Variants in PACRG observed in about 807,000 individuals in gnomAD.
The protein encoded by PACRG is parkin coregulated.
In PACRG, 29 loss-of-function variants were observed where a neutral mutation model predicts 29.7. That is an observed-to-expected ratio of 0.98 (90% CI 0.73 to 1.33). The LOEUF (loss-of-function observed/expected upper bound fraction) is 1.33, where lower values mean the gene tolerates loss of function less well. Ranked by LOEUF, PACRG falls within the 40% of genes most tolerant of loss-of-function variation. The pLI is 0.00. For missense variants in PACRG, 279 were observed against 316.2 expected, an observed-to-expected ratio of 0.88 and a Z score of 0.89; for synonymous variants, 116 against 118.7, an observed-to-expected ratio of 0.98 and a Z score of 0.15.
At chr6:163,089,779 G>A (rs901320622) in intron 4 of PACRG, among the ~76,000 whole-genome samples, 3 of 152,014 alleles carry the variant, frequency 2.0e-5, no homozygotes, top group African/African-American at 7.2e-5. Flanking sequence ...TACAATTTCA[G>A]TCAGCTTTTT....
chr6:163,220,971 C>G (rs1014727460), intron 4 of PACRG, among the ~76,000 whole-genome samples: 1 of 152,132 alleles, frequency 6.6e-6, no homozygotes, highest in African/African-American at 2.4e-5. Context: ...CTGTCTTGTT[C>G]CAGCAATTTC....
At chr6:162,987,494 G>T (rs1293000657) in intron 2 of PACRG, among the ~76,000 whole-genome samples, 2 of 152,058 alleles carry the variant, frequency 1.3e-5, no homozygotes, top group Non-Finnish European at 2.9e-5. Flanking sequence ...TTTTTCCCAT[G>T]CTGTTCTCAT....
At chr6:163,157,744 C>T (rs1468527808) in intron 4 of PACRG, among the ~76,000 whole-genome samples, 1 of 152,250 alleles carries the variant, frequency 6.6e-6, no homozygotes, top group African/African-American at 2.4e-5. Context: ...AACGAAGCCA[C>T]AAGCACTCGG....
chr6:163,089,147 C>T, intron 3 of PACRG, 112 bp from the exon 4 acceptor site: 2 of 1,091,706 alleles, frequency 1.8e-6, no homozygotes, highest in Non-Finnish European at 2.6e-6. Flanking sequence ...CATTGGTCCC[C>T]AGTAGAGCAC....
intron 4 of PACRG, among the ~76,000 whole-genome samples, chr6:163,276,442 T>A (rs1470679497): frequency 6.6e-6 from 1 of 152,176 alleles, no homozygotes; most frequent in Non-Finnish European, 1.5e-5. Context: ...TTTTCCTTCC[T>A]TTCTCCCCAG....
chr6:163,210,528 T>C (rs1781093370), intron 4 of PACRG, among the ~76,000 whole-genome samples: 1 of 152,194 alleles, frequency 6.6e-6, no homozygotes, highest in South Asian at 2.1e-4. Context: ...CCCATTTCTA[T>C]GGGCTGAGGA....
At chr6:163,212,884 T>C (rs1000539228) in intron 4 of PACRG, among the ~76,000 whole-genome samples, 1 of 152,046 alleles carries the variant, frequency 6.6e-6, no homozygotes, top group Non-Finnish European at 1.5e-5. Flanking sequence ...GTTCATGCCA[T>C]TCTCCTGCCT....
intron 2 of PACRG, among the ~76,000 whole-genome samples, chr6:162,983,195 T>C (rs1584933611): frequency 6.6e-6 from 1 of 152,002 alleles, no homozygotes; most frequent in Admixed American, 6.6e-5. Context: ...TTTATGTGAG[T>C]GCTTATGCAT....
intron 1 of PACRG, among the ~76,000 whole-genome samples, chr6:162,745,677 T>G (rs1195532065): frequency 6.6e-6 from 1 of 152,212 alleles, no homozygotes; most frequent in African/African-American, 2.4e-5. Flanking sequence ...CTGCTGATTT[T>G]GTAGTACCTA....
chr6:162,742,276 A>G lies in PACRG; in HGVS notation c.156+13885A>G, dbSNP rs950364212. Among the ~76,000 whole-genome samples the G allele has an allele frequency of 4.1e-4, 63 of 152,200 alleles. 1 individual carries two copies. The highest frequency in any genetic ancestry group is 1.5e-3 in the African/African-American group (61 of 41,454). On this transcript the variant is annotated intron_variant, in intron 1 of 4. Coordinates refer to ENST00000366888, the MANE Select transcript of PACRG (RefSeq NM_001080379.2). ...CCTCATACTATTCTCGTGGTAGTGA[A>G]TAAGTCTCACAATATCTGATGGTTT...
intron 2 of PACRG, among the ~76,000 whole-genome samples, chr6:162,913,987 T>A (rs1796503604): frequency 2.9e-5 from 4 of 136,976 alleles, no homozygotes; most frequent in Admixed American, 2.2e-4. Flanking sequence ...TTTGTCTATG[T>A]GTTTCAAATA....
chr6:163,179,452 C>T (rs1010991457), intron 4 of PACRG: 104 of 296,380 alleles, frequency 3.5e-4, no homozygotes, highest in African/African-American at 2.2e-3. Context: ...GTAATCCCAA[C>T]ACTTTGGGAG....
intron 1 of PACRG, among the ~76,000 whole-genome samples, chr6:162,808,910 A>G (rs1259758211): frequency 6.6e-6 from 1 of 152,126 alleles, no homozygotes; most frequent in African/African-American, 2.4e-5. Flanking sequence ...AAGGATTTTC[A>G]GAGTCGTTTT....
intron 2 of PACRG, among the ~76,000 whole-genome samples, chr6:163,027,726 C>T (rs1370138192): frequency 6.6e-6 from 1 of 152,196 alleles, no homozygotes; most frequent in Non-Finnish European, 1.5e-5. Flanking sequence ...TCTATAAAGG[C>T]TCTTTTGCAG....
chr6:163,083,862 A>G (rs1186297180), intron 3 of PACRG, among the ~76,000 whole-genome samples: 2 of 152,136 alleles, frequency 1.3e-5, no homozygotes, highest in Non-Finnish European at 2.9e-5. Flanking sequence ...TCCTGATACC[A>G]CAATAGTGAA....
At chr6:162,936,456 A>G (rs746817257) in intron 2 of PACRG, among the ~76,000 whole-genome samples, 15 of 152,230 alleles carry the variant, frequency 9.9e-5, no homozygotes, top group Admixed American at 3.9e-4. Flanking sequence ...TCTCAAAGCT[A>G]TTAATATAGT....
At chr6:163,283,658 G>A (rs958159561) in intron 4 of PACRG, among the ~76,000 whole-genome samples, 9 of 151,516 alleles carry the variant, frequency 5.9e-5, no homozygotes, top group African/African-American at 1.5e-4. Context: ...AAAATTAGCC[G>A]GGCGCGGTGG....
intron 4 of PACRG, among the ~76,000 whole-genome samples, chr6:163,215,987 G>A (rs760240929): frequency 2.0e-4 from 30 of 152,186 alleles, no homozygotes; most frequent in Non-Finnish European, 4.0e-4. Flanking sequence ...GTCAGGAACC[G>A]CAGCAGTAAG....
intron 4 of PACRG, among the ~76,000 whole-genome samples, chr6:163,249,141 C>A (rs576326937): frequency 3.4e-4 from 51 of 150,930 alleles, no homozygotes; most frequent in Non-Finnish European, 6.2e-4. Flanking sequence ...GAATGAGAAA[C>A]ATGTTTTGAT....
Sources: gnomAD v4.1 joint callset for allele counts (sites outside exome capture counted in the v4.1 genomes callset) on GRCh38, gnomAD v4.1.1 for gene constraint, MANE v1.5 for transcripts, NCBI Gene and HGNC (gene_info 2026-07-23, HGNC 2026-07-21) for gene names.